NRF1: variants seen among roughly 807,000 people sequenced by gnomAD.
The protein encoded by NRF1 is alpha palindromic-binding protein.
A neutral mutation model predicts 58.5 loss-of-function variants in NRF1; 5 were observed. The observed-to-expected ratio is 0.09, with a 90% CI of 0.04 to 0.18. The LOEUF (loss-of-function observed/expected upper bound fraction) is 0.18, where lower values mean the gene tolerates loss of function less well. Ranked by LOEUF, NRF1 falls within the 10% of genes least tolerant of loss-of-function variation. The probability of loss-of-function intolerance (pLI) is 1.00; values close to 1 mark genes in which losing one functional copy is unlikely to be tolerated. For missense variants in NRF1, 288 were observed against 657.7 expected (o/e 0.44, Z 6.15); for synonymous variants, 224 against 246.7 (o/e 0.91, Z 0.86).
Position 129,717,972 on chromosome 7 carries a change from T to G in NRF1, c.1223+596T>G, listed in dbSNP as rs1284444230. 3.3e-5 allele frequency among the ~76,000 whole-genome samples: 5 copies of G among 152,364 alleles called. No homozygotes were observed. The East Asian group carries it at 9.6e-4, about 29-fold the overall frequency. ...ATTTTACTTGCTTTTGAGAAAAATG[T>G]GTTGCCCTTGCTTATCAGCGAGCTC... is the stretch of plus-strand genomic sequence containing the variant. On this transcript the variant is annotated intron_variant, in intron 9 of 10. Coordinates refer to ENST00000393232, the MANE Select transcript of NRF1 (RefSeq NM_005011.5).
intron 9 of NRF1, among the ~76,000 whole-genome samples, chr7:129,725,822 A>G (rs1283160240): frequency 1.3e-5 from 2 of 152,202 alleles, no homozygotes; most frequent in East Asian, 3.8e-4. Context: ...AAGAAGAGGA[A>G]ATTCTTCTAT....
At chr7:129,726,100 A>C (rs1803448221) in intron 9 of NRF1, among the ~76,000 whole-genome samples, 1 of 152,208 alleles carries the variant, frequency 6.6e-6, no homozygotes, top group Non-Finnish European at 1.5e-5. Flanking sequence ...CAAATCCTGC[A>C]GCTTCAGAGC....
chr7:129,618,282 A>T (rs1268805313), intron 1 of NRF1, among the ~76,000 whole-genome samples: 4 of 152,186 alleles, frequency 2.6e-5, no homozygotes, highest in Non-Finnish European at 4.4e-5. Flanking sequence ...ATGACTCCAG[A>T]TGTGTTAAGA....
chr7:129,752,236 C>T (rs758053847), intron 10 of NRF1, among the ~76,000 whole-genome samples: 1 of 152,122 alleles, frequency 6.6e-6, no homozygotes, highest in South Asian at 2.1e-4. Flanking sequence ...TGGGATGGGG[C>T]AGGTTCCACA....
chr7:129,742,984 G>C (rs2116301442), intron 10 of NRF1, among the ~76,000 whole-genome samples: 1 of 152,286 alleles, frequency 6.6e-6, no homozygotes, highest in African/African-American at 2.4e-5. Context: ...TGAACCTCTT[G>C]AAATGCCTCG....
rs929101417 is a variant in NRF1, at chr7:129,756,475, G to C, written c.*1294G>C. 6.6e-6 allele frequency: 1 copy of C among 152,540 alleles called. No individual in the cohort carries two copies. Among genetic ancestry groups the C allele is most frequent in the Non-Finnish European group, 1.5e-5 (1 of 68,110 alleles). 9.4% of individuals were successfully genotyped at this position (152,540 alleles called of 1,614,324 possible). A position where few individuals can be genotyped will look rare whatever the true frequency, so the allele number is the denominator to read the frequency against. ...TTGATGCAACCTCGTGGCCCAGGCC[G>C]GGAGCAGCTTGCCTCCTCAGAGGTG... On this transcript the variant is annotated 3_prime_UTR_variant, in exon 11 of 11. Coordinates refer to ENST00000393232, the MANE Select transcript of NRF1 (RefSeq NM_005011.5).
At position 129,724,640 on chromosome 7, in the gene NRF1, C is replaced by T. The variant is rs180879044; in HGVS notation, c.1224-2601C>T. On this transcript the variant is annotated intron_variant, in intron 9 of 10. Coordinates refer to ENST00000393232, the MANE Select transcript of NRF1 (RefSeq NM_005011.5). ...AACATGGGAGCAACCAAGTGATCAT[C>T]GACAGATGAATGGATACACAATGGA... Among the ~76,000 whole-genome samples the T allele has an allele frequency of 9.1e-4, 138 of 152,220 alleles. 1 individual carries two copies. Among genetic ancestry groups the T allele is most frequent in the Middle Eastern group, 3.4e-3 (1 of 294 alleles).
At chr7:129,697,076 C>CTAT (rs1017480231) in intron 5 of NRF1, among the ~76,000 whole-genome samples, 3 of 152,140 alleles carry the variant, frequency 2.0e-5, no homozygotes, top group African/African-American at 7.2e-5. Context: ...TATGTATTGC[C>CTAT]TATATTCATT....
chr7:129,681,726 G>T (rs80039167), intron 4 of NRF1, among the ~76,000 whole-genome samples: 1 of 152,000 alleles, frequency 6.6e-6, no homozygotes, highest in Non-Finnish European at 1.5e-5. Context: ...GGCAGGTGCC[G>T]CCACACCCAG....
chr7:129,612,214 C>T (rs1371124941), intron 1 of NRF1, among the ~76,000 whole-genome samples: 1 of 150,686 alleles, frequency 6.6e-6, no homozygotes, highest in Non-Finnish European at 1.5e-5. Context: ...GCGCCGGGCC[C>T]GGGAGCGGGA....
chr7:129,722,566 A>C (rs1803353351), intron 9 of NRF1, among the ~76,000 whole-genome samples: 1 of 151,998 alleles, frequency 6.6e-6, no homozygotes, highest in South Asian at 2.1e-4. Flanking sequence ...AATCGTACTG[A>C]TCTGTCAACC....
chr7:129,661,598 C>T lies in NRF1; in HGVS notation c.223+4024C>T, dbSNP rs546145340. 1.5e-4 allele frequency among the ~76,000 whole-genome samples: 23 copies of T among 151,140 alleles called. 3 individuals are homozygous for T. The highest frequency in any genetic ancestry group is 5.7e-4 in the African/African-American group (23 of 40,444). The stretch of plus-strand genomic sequence containing the variant: ...TTTGCCGAAGCATAACAAGAGTCAC[C>T]TTTGCTCCAGTTCCCAACAAGTTTC... On this transcript the variant is annotated intron_variant, in intron 2 of 10. Transcript: ENST00000393232.
intron 5 of NRF1, among the ~76,000 whole-genome samples, chr7:129,692,420 G>A (rs1220075303): frequency 6.6e-6 from 1 of 152,036 alleles, no homozygotes; most frequent in East Asian, 1.9e-4. Context: ...GGCCATGGTG[G>A]TGTATGCATG....
chr7:129,681,683 C>T (rs1392924936), intron 4 of NRF1, among the ~76,000 whole-genome samples: 9 of 152,218 alleles, frequency 5.9e-5, no homozygotes, highest in South Asian at 2.1e-4. Context: ...AAGCGATCCT[C>T]CCGCCTCAGC....
At chr7:129,619,490 G>GTATATATATATATATA (rs67190499) in intron 1 of NRF1, among the ~76,000 whole-genome samples, 4 of 48,610 alleles carry the variant, frequency 8.2e-5, no homozygotes, top group Admixed American at 2.0e-4. Context: ...GTGTGTGTGT[G>GTATATATATATATATA]TATATATATA....
intron 1 of NRF1, among the ~76,000 whole-genome samples, chr7:129,620,213 G>GT (rs1289132588): frequency 6.6e-6 from 1 of 152,148 alleles, no homozygotes; most frequent in Non-Finnish European, 1.5e-5. Flanking sequence ...AGAAATGGGA[G>GT]TAGGAGCACC....
chr7:129,655,018 A>G (rs1038699654), intron 1 of NRF1, among the ~76,000 whole-genome samples: 3 of 152,198 alleles, frequency 2.0e-5, no homozygotes, highest in African/African-American at 7.2e-5. Flanking sequence ...GATTGGGACA[A>G]TGTTGAATCT....
chr7:129,748,193 T>C (rs1422952283), intron 10 of NRF1, among the ~76,000 whole-genome samples: 1 of 136,072 alleles, frequency 7.3e-6, no homozygotes, highest in African/African-American at 2.7e-5. Context: ...GAGAATCACT[T>C]GAACCTGGGA....
At chr7:129,750,118 A>G (rs1356726821) in intron 10 of NRF1, among the ~76,000 whole-genome samples, 1 of 152,162 alleles carries the variant, frequency 6.6e-6, no homozygotes, top group African/African-American at 2.4e-5. Context: ...TCTCATTACC[A>G]GGACTCTACA....
Sources: allele counts gnomAD v4.1 joint callset (sites outside exome capture counted in the v4.1 genomes callset), GRCh38; gene constraint gnomAD v4.1.1; transcripts MANE v1.5; gene names NCBI Gene and HGNC (gene_info 2026-07-23, HGNC 2026-07-21).